Variants in HGF observed in about 807,000 individuals in gnomAD.
HGF encodes fibroblast-derived tumor cytotoxic factor.
HGF carries 39 observed loss-of-function variants against 111.6 expected under a neutral mutation model. That is an observed-to-expected ratio of 0.35 (90% CI 0.27 to 0.46). The LOEUF is 0.46. HGF is among the 20% of genes least tolerant of loss of function. HGF has a pLI of 1.00. For synonymous variants in HGF, 285 were observed against 294.8 expected, an observed-to-expected ratio of 0.97 and a Z score of 0.34; for missense variants, 735 against 910.5, an observed-to-expected ratio of 0.81 and a Z score of 2.48.
intron 1 of HGF, among the ~76,000 whole-genome samples, chr7:81,765,249 T>A (rs1046081569): frequency 1.3e-5 from 2 of 152,074 alleles, no homozygotes; most frequent in African/African-American, 4.8e-5. Context: ...AGGCAAGCCA[T>A]GAAGAAGATT....
chr7:81,739,824 T>A (rs1787948913), intron 7 of HGF, among the ~76,000 whole-genome samples: 1 of 152,198 alleles, frequency 6.6e-6, no homozygotes, highest in Admixed American at 6.5e-5. Context: ...CTATTCTAGA[T>A]CACAAATGAG....
At chr7:81,738,545 C>T (rs1787910731) in intron 7 of HGF, among the ~76,000 whole-genome samples, 1 of 152,104 alleles carries the variant, frequency 6.6e-6, no homozygotes, top group East Asian at 1.9e-4. Flanking sequence ...TCCCAGAGCA[C>T]CCTGGCACAC....
intron 7 of HGF, among the ~76,000 whole-genome samples, chr7:81,735,291 G>T (rs1299114413): frequency 1.3e-5 from 2 of 152,056 alleles, no homozygotes; most frequent in Admixed American, 6.6e-5. Flanking sequence ...GGTACAAAAT[G>T]CTCAGGAGAC....
intron 12 of HGF, among the ~76,000 whole-genome samples, chr7:81,711,046 A>G (rs940956171): frequency 6.6e-6 from 1 of 152,208 alleles, no homozygotes; most frequent in African/African-American, 2.4e-5. Flanking sequence ...TCTTGTGCCC[A>G]CTTGACTGTA....
At chr7:81,743,500 G>T in intron 6 of HGF, 29 bp from the exon 7 acceptor site, 1 of 1,413,356 alleles carries the variant, frequency 7.1e-7, no homozygotes, top group Non-Finnish European at 1.0e-6. Flanking sequence ...AAAGTGTCAC[G>T]TAAATCTGCC....
intron 4 of HGF, among the ~76,000 whole-genome samples, chr7:81,753,112 T>G (rs1788586216): frequency 6.6e-6 from 1 of 152,114 alleles, no homozygotes; most frequent in Non-Finnish European, 1.5e-5. Flanking sequence ...AGCCATTGAG[T>G]GCAGTAACTG....
chr7:81,743,326 G>A (rs201899380), intron 7 of HGF, 27 bp downstream of exon 7: 61 of 1,281,578 alleles, frequency 4.8e-5, no homozygotes, highest in Non-Finnish European at 6.7e-5. Context: ...AGAGGAAAAG[G>A]AAGCAATAAA....
intron 4 of HGF, among the ~76,000 whole-genome samples, chr7:81,753,609 CAT>C (rs1367581004): frequency 1.2e-4 from 18 of 151,952 alleles, no homozygotes; most frequent in Non-Finnish European, 1.5e-5. Flanking sequence ...TTCATTTTGA[CAT>C]GAGTGTATTC....
intron 1 of HGF, 65 bp downstream of exon 1, chr7:81,769,819 A>AT: frequency 8.4e-7 from 1 of 1,194,510 alleles, no homozygotes. Context: ...GTTAAAAGGA[A>AT]TAGGGAAGGT....
intron 17 of HGF, among the ~76,000 whole-genome samples, chr7:81,703,612 C>T (rs1194686731): frequency 6.6e-6 from 1 of 150,472 alleles, no homozygotes; most frequent in African/African-American, 2.4e-5. Flanking sequence ...ATAAACAATG[C>T]ACATAGTGTT....
intron 13 of HGF, among the ~76,000 whole-genome samples, chr7:81,708,786 A>G (rs1309720640): frequency 6.6e-6 from 1 of 151,816 alleles, no homozygotes; most frequent in Non-Finnish European, 1.5e-5. Flanking sequence ...ACACTCCAAC[A>G]GAATTCTAAA....
chr7:81,702,889 T>C, intron 17 of HGF, 132 bp from the exon 18 acceptor site: 1 of 753,076 alleles, frequency 1.3e-6, no homozygotes, highest in Non-Finnish European at 2.2e-6. Flanking sequence ...AATATGAAGA[T>C]ATAAAAATTA....
chr7:81,716,570 T>C (rs1789717699), intron 11 of HGF, among the ~76,000 whole-genome samples: 1 of 152,192 alleles, frequency 6.6e-6, no homozygotes, highest in Non-Finnish European at 1.5e-5. Flanking sequence ...TATTTTCTAC[T>C]TTTTTCTCCT....
At chr7:81,713,907 T>C (rs1789639055) in intron 11 of HGF, among the ~76,000 whole-genome samples, 1 of 152,106 alleles carries the variant, frequency 6.6e-6, no homozygotes, top group South Asian at 2.1e-4. Flanking sequence ...ATACTTATTT[T>C]TTATTGGTTC....
At chr7:81,766,035 A>T (rs943061101) in intron 1 of HGF, among the ~76,000 whole-genome samples, 22 of 152,318 alleles carry the variant, frequency 1.4e-4, no homozygotes, top group African/African-American at 4.6e-4. Flanking sequence ...AACATTCTGG[A>T]AGCTATATTT....
chr7:81,747,927 C>T (rs1382081180), intron 5 of HGF, among the ~76,000 whole-genome samples: 3 of 152,074 alleles, frequency 2.0e-5, no homozygotes, highest in Non-Finnish European at 2.9e-5. Context: ...CAGAGCAAGA[C>T]TCTGTCTAAA....
At chr7:81,738,962 T>G (rs565207016) in intron 7 of HGF, among the ~76,000 whole-genome samples, 1 of 152,148 alleles carries the variant, frequency 6.6e-6, no homozygotes, top group Non-Finnish European at 1.5e-5. Context: ...CCAAGGCTTT[T>G]GCTATCCCTG....
chr7:81,731,983 A>G (rs1316890638), intron 7 of HGF, among the ~76,000 whole-genome samples: 1 of 152,148 alleles, frequency 6.6e-6, no homozygotes, highest in Non-Finnish European at 1.5e-5. Context: ...CATAGACTTC[A>G]TTGTCTGCCT....
intron 1 of HGF, among the ~76,000 whole-genome samples, chr7:81,764,868 C>A (rs942853820): frequency 6.6e-6 from 1 of 151,890 alleles, no homozygotes; most frequent in African/African-American, 2.4e-5. Context: ...CCTTATTACA[C>A]TATTTCTAAG....
Sources: allele counts gnomAD v4.1 joint callset (sites outside exome capture counted in the v4.1 genomes callset), GRCh38; gene constraint gnomAD v4.1.1; transcripts MANE v1.5; gene names NCBI Gene and HGNC (gene_info 2026-07-23, HGNC 2026-07-21).